Variants in NEBL observed in about 807,000 individuals in gnomAD.
NEBL encodes the protein nebulette.
Under a neutral mutation model 140.2 loss-of-function variants are expected in NEBL, and 122 were observed. That is an observed-to-expected ratio of 0.87 (90% CI 0.75 to 1.01). NEBL has a LOEUF of 1.01. NEBL is among the 50% of genes least tolerant of loss of function. The pLI, the probability that NEBL is intolerant of heterozygous loss-of-function variation, is 0.00. For synonymous variants in NEBL, 436 were observed against 398.9 expected (o/e 1.09, Z -1.11); for missense variants, 1,365 against 1,231.3 (o/e 1.11, Z -1.62).
chr10:20,876,995 G>A (rs1845565621), intron 5 of NEBL, among the ~76,000 whole-genome samples: 1 of 152,094 alleles, frequency 6.6e-6, no homozygotes, highest in Admixed American at 6.5e-5. Context: ...GGAAACTTTT[G>A]GATATGCCCT....
At chr10:21,035,873 A>C (rs1229391763) in intron 2 of NEBL, among the ~76,000 whole-genome samples, 1 of 152,162 alleles carries the variant, frequency 6.6e-6, no homozygotes, top group African/African-American at 2.4e-5. Flanking sequence ...TGTTTAAAAG[A>C]ATAAAAGGGC....
intron 3 of NEBL, among the ~76,000 whole-genome samples, chr10:21,216,972 A>C (rs1487555572): frequency 1.3e-5 from 2 of 148,790 alleles, no homozygotes; most frequent in African/African-American, 5.2e-5. Context: ...TGGGAGACAG[A>C]GCAAGACTCA....
At chr10:20,786,739 A>G (rs1302216366) in intron 27 of NEBL, among the ~76,000 whole-genome samples, 1 of 152,216 alleles carries the variant, frequency 6.6e-6, no homozygotes, top group East Asian at 1.9e-4. Flanking sequence ...GCAAATGTTG[A>G]ACACTTCTTC....
At chr10:21,018,082 A>T (rs903350343) in intron 3 of NEBL, among the ~76,000 whole-genome samples, 1 of 152,084 alleles carries the variant, frequency 6.6e-6, no homozygotes, top group East Asian at 1.9e-4. Context: ...TCGGCCTCCC[A>T]AAGTGCTCGG....
intron 3 of NEBL, among the ~76,000 whole-genome samples, chr10:21,228,826 A>G (rs998188810): frequency 6.6e-6 from 1 of 152,118 alleles, no homozygotes; most frequent in African/African-American, 2.4e-5. Context: ...CATTCATTTT[A>G]CTCATGGACT....
chr10:20,826,678 C>T, intron 17 of NEBL, 139 bp from the exon 18 acceptor site: 3 of 717,204 alleles, frequency 4.2e-6, no homozygotes, highest in Non-Finnish European at 7.1e-6. Flanking sequence ...ATTATAGGAA[C>T]AAATTAAATA....
intron 3 of NEBL, among the ~76,000 whole-genome samples, chr10:20,969,082 C>G (rs939070034): frequency 1.3e-5 from 2 of 152,004 alleles, no homozygotes; most frequent in African/African-American, 4.8e-5. Flanking sequence ...TAGTTTTGTA[C>G]GTTTAAGGTC....
chr10:20,847,161 C>T (rs1245648470), intron 11 of NEBL, among the ~76,000 whole-genome samples: 1 of 152,130 alleles, frequency 6.6e-6, no homozygotes, highest in East Asian at 1.9e-4. Flanking sequence ...CTTCATCAGT[C>T]CTATATTTAA....
intron 2 of NEBL, among the ~76,000 whole-genome samples, chr10:21,104,920 G>A (rs1389496097): frequency 6.6e-6 from 1 of 152,152 alleles, no homozygotes; most frequent in East Asian, 1.9e-4. Flanking sequence ...TTTGCTCAGA[G>A]TTATTATCAA....
chr10:20,908,067 C>T (rs11012383), intron 4 of NEBL, among the ~76,000 whole-genome samples: 1,544 of 152,154 alleles, frequency 0.01, 19 homozygotes, highest in African/African-American at 0.035. Flanking sequence ...TACCAGGTAC[C>T]GAGAAAAGGT....
At chr10:20,863,230 A>G (rs893528586) in intron 7 of NEBL, among the ~76,000 whole-genome samples, 7 of 152,170 alleles carry the variant, frequency 4.6e-5, no homozygotes, top group African/African-American at 1.7e-4. Flanking sequence ...GCACCTGGGT[A>G]TGTGTGAAGT....
At chr10:21,067,877 G>A (rs936755479) in intron 2 of NEBL, among the ~76,000 whole-genome samples, 2 of 152,148 alleles carry the variant, frequency 1.3e-5, no homozygotes, top group African/African-American at 4.8e-5. Context: ...TACTCAGGAG[G>A]CTGAGGCAGG....
rs146750078 is a variant in NEBL at position 21,125,536 on chromosome 10, G to C, written c.164+46847C>G. Among the ~76,000 whole-genome samples the C allele has an allele frequency of 3.5e-3, 527 of 152,234 alleles. 4 individuals carry two copies. The highest frequency in any genetic ancestry group is 4.3e-3 in the Non-Finnish European group (290 of 68,006). On this transcript the variant is annotated intron_variant, in intron 2 of 6. Coordinates refer to the NEBL transcript ENST00000417816. ...GCTAAATAAAGCCTCAAAGTAAGAG[G>C]AATGCAAAGGTTGAAGAAGTGGAAG...
intron 1 of NEBL, among the ~76,000 whole-genome samples, chr10:21,252,399 G>A (rs890297146): frequency 2.0e-5 from 3 of 152,140 alleles, no homozygotes; most frequent in Non-Finnish European, 4.4e-5. Flanking sequence ...TTGATTGATT[G>A]ATAGATAGAT....
At chr10:21,075,505 T>A (rs1243332120) in intron 2 of NEBL, among the ~76,000 whole-genome samples, 2 of 152,216 alleles carry the variant, frequency 1.3e-5, no homozygotes, top group African/African-American at 4.8e-5. Context: ...TGATTTCACA[T>A]CACCAACCTG....
At chr10:21,050,160 G>C (rs548063063) in intron 2 of NEBL, among the ~76,000 whole-genome samples, 1 of 152,232 alleles carries the variant, frequency 6.6e-6, no homozygotes, top group African/African-American at 2.4e-5. Context: ...TCTATCTTTG[G>C]TTTCACCAGG....
chr10:21,038,497 TG>T (rs1834111975), intron 2 of NEBL, among the ~76,000 whole-genome samples: 2 of 24,880 alleles, frequency 8.0e-5, no homozygotes, highest in Non-Finnish European at 2.0e-4. Flanking sequence ...TTGCTAAGAC[TG>T]ATGGCTTACA....
chr10:21,135,973 G>A (rs986004992), intron 2 of NEBL, among the ~76,000 whole-genome samples: 1 of 152,196 alleles, frequency 6.6e-6, no homozygotes, highest in Non-Finnish European at 1.5e-5. Context: ...AGCTTTGCCT[G>A]GATTGATTAA....
intron 3 of NEBL, among the ~76,000 whole-genome samples, chr10:20,965,327 C>G (rs540158707): frequency 6.6e-6 from 1 of 152,152 alleles, no homozygotes; most frequent in African/African-American, 2.4e-5. Flanking sequence ...GACAAGGGGA[C>G]GTGAAGTGTC....
Sources: allele counts gnomAD v4.1 joint callset (sites outside exome capture counted in the v4.1 genomes callset), GRCh38; gene constraint gnomAD v4.1.1; transcripts MANE v1.5; gene names NCBI Gene and HGNC (gene_info 2026-07-23, HGNC 2026-07-21).